MTHFD1L: variants seen among roughly 807,000 people sequenced by gnomAD.
MTHFD1L encodes monofunctional C1-tetrahydrofolate synthase, mitochondrial.
MTHFD1L carries 81 observed loss-of-function variants against 119.5 expected under a neutral mutation model. The ratio of observed to expected loss-of-function variants is 0.68; its 90% CI spans 0.57 to 0.82. MTHFD1L has a LOEUF of 0.82. MTHFD1L is among the 40% of genes least tolerant of loss of function. The pLI is 0.00. For missense variants in MTHFD1L, 1,125 were observed against 1,253.4 expected (o/e 0.90, Z 1.55); for synonymous variants, 430 against 475.2 (o/e 0.90, Z 1.24).
chr6:151,016,525 C>G (rs1783084623), intron 24 of MTHFD1L, among the ~76,000 whole-genome samples: 1 of 149,130 alleles, frequency 6.7e-6, no homozygotes, highest in Non-Finnish European at 1.5e-5. Context: ...GTTTCACCAT[C>G]TTGGGCAGGC....
intron 26 of MTHFD1L, among the ~76,000 whole-genome samples, chr6:151,065,769 A>G (rs1287552115): frequency 6.6e-6 from 1 of 152,252 alleles, no homozygotes; most frequent in East Asian, 1.9e-4. Flanking sequence ...CATCCTGTGC[A>G]TAGGGCAGGA....
chr6:151,026,305 C>T (rs1230272817), intron 24 of MTHFD1L, among the ~76,000 whole-genome samples: 1 of 152,206 alleles, frequency 6.6e-6, no homozygotes, highest in East Asian at 1.9e-4. Flanking sequence ...TATGTTGTGC[C>T]TGCTCTGTGC....
At chr6:151,019,225 T>TCTGATCATGCCATCTGATCAA in intron 24 of MTHFD1L, among the ~76,000 whole-genome samples, 1 of 91,880 alleles carries the variant, frequency 1.1e-5, no homozygotes, top group East Asian at 1.9e-4. Flanking sequence ...CCTCTGATCA[T>TCTGATCATGCCATCTGATCAA]GCCATCTGAT....
At chr6:150,997,508 G>C (rs1027944095) in intron 20 of MTHFD1L, among the ~76,000 whole-genome samples, 4 of 152,180 alleles carry the variant, frequency 2.6e-5, no homozygotes, top group African/African-American at 9.7e-5. Context: ...ATACATTGAG[G>C]CTGGGCACGG....
chr6:151,058,559 G>A (rs992139385), intron 26 of MTHFD1L, among the ~76,000 whole-genome samples: 17 of 152,226 alleles, frequency 1.1e-4, no homozygotes, highest in African/African-American at 4.1e-4. Context: ...TAACCCCCGA[G>A]GTGGAGCTGT....
intron 21 of MTHFD1L, among the ~76,000 whole-genome samples, 184 bp from the exon 22 acceptor site, chr6:151,013,595 G>A (rs1782596826): frequency 6.6e-6 from 1 of 152,168 alleles, no homozygotes; most frequent in African/African-American, 2.4e-5. Context: ...CCAGGGATCA[G>A]TGTTTTCTAA....
In MTHFD1L at chr6:150,922,221, G is replaced by A. The variant is rs760878500; in HGVS notation, c.1001G>A (p.Gly334Glu). 2 of 1,614,014 alleles carry A rather than the reference G, an allele frequency of 1.2e-6. No individual in the cohort carries two copies. Among genetic ancestry groups the A allele is most frequent in the Non-Finnish European group, 1.7e-6 (2 of 1,179,902 alleles). Residue 334 changes from glycine to glutamate, a missense_variant, in exon 10 of 28, where the codon GGA (glycine) becomes GAA (glutamate). Coordinates refer to ENST00000367321, the MANE Select transcript of MTHFD1L (RefSeq NM_015440.5). ...ALRIQNMVSS[G>E]RRWLREQQHR... is the part of the protein sequence containing the mutation. ...CTGCTGAAGAACATGGTCAGTAGTG[G>A]AAGGAGATGGCTTCGTGAACAGCAG...
intron 26 of MTHFD1L, among the ~76,000 whole-genome samples, chr6:151,045,516 C>G (rs1436743973): frequency 6.6e-6 from 1 of 152,224 alleles, no homozygotes; most frequent in Non-Finnish European, 1.5e-5. Context: ...CTCCAATGCT[C>G]CTGGGTCCTG....
At position 150,990,370 on chromosome 6, in the gene MTHFD1L, A is replaced by G. The variant is rs527456983; in HGVS notation, c.2125+18312A>G. Among the ~76,000 whole-genome samples the G allele has an allele frequency of 3.9e-5, 6 of 152,330 alleles. No homozygotes were observed. The East Asian group carries it at 1.2e-3, about 29-fold the overall frequency. ...ATAACCCTATAGCAAAACAGTTAAT[A>G]GCAGAGGAATACCCTGGAGTGTCCT... On this transcript the variant is annotated intron_variant, in intron 20 of 27. Coordinates refer to ENST00000367321, the MANE Select transcript of MTHFD1L (RefSeq NM_015440.5).
chr6:151,095,441 T>C (rs1402069704), intron 27 of MTHFD1L, among the ~76,000 whole-genome samples: 3 of 152,250 alleles, frequency 2.0e-5, no homozygotes, highest in African/African-American at 7.2e-5. Flanking sequence ...TTGGACAGTA[T>C]TTTTCCAGCT....
chr6:151,089,447 C>A (rs1794177338), intron 26 of MTHFD1L, among the ~76,000 whole-genome samples: 1 of 152,024 alleles, frequency 6.6e-6, no homozygotes, highest in East Asian at 1.9e-4. Flanking sequence ...ACCAAAAATA[C>A]AAAAAATTAG....
chr6:151,020,086 T>C (rs1178910965), intron 24 of MTHFD1L, among the ~76,000 whole-genome samples: 1 of 152,212 alleles, frequency 6.6e-6, no homozygotes, highest in Non-Finnish European at 1.5e-5. Flanking sequence ...CAAACTGGGT[T>C]TCTGTGTGCC....
intron 8 of MTHFD1L, among the ~76,000 whole-genome samples, chr6:150,917,416 T>C (rs911437664): frequency 6.6e-6 from 1 of 151,694 alleles, no homozygotes; most frequent in Non-Finnish European, 1.5e-5. Context: ...CAGCTGCTAA[T>C]AAGGTGGAGG....
At chr6:151,056,209 AG>A (rs1222285854) in intron 26 of MTHFD1L, among the ~76,000 whole-genome samples, 1 of 152,206 alleles carries the variant, frequency 6.6e-6, no homozygotes, top group Non-Finnish European at 1.5e-5. Flanking sequence ...AAGCAAGTCT[AG>A]AACTATTTTC....
chr6:151,013,349 C>A (rs556510361), intron 21 of MTHFD1L, among the ~76,000 whole-genome samples: 4 of 152,324 alleles, frequency 2.6e-5, no homozygotes, highest in Admixed American at 2.6e-4. Context: ...CACTGCCCTC[C>A]AGCCTGGACA....
intron 26 of MTHFD1L, among the ~76,000 whole-genome samples, chr6:151,073,188 G>C (rs1308965283): frequency 1.3e-5 from 2 of 152,224 alleles, no homozygotes; most frequent in African/African-American, 4.8e-5. Flanking sequence ...GAGGACCGGA[G>C]AGGAGAGAAC....
chr6:150,992,288 G>A (rs1383143949), intron 20 of MTHFD1L, among the ~76,000 whole-genome samples: 1 of 152,132 alleles, frequency 6.6e-6, no homozygotes, highest in Non-Finnish European at 1.5e-5. Flanking sequence ...AAAACAAAAC[G>A]GGTTGTGGAA....
chr6:150,968,959 C>G (rs1187766514), intron 19 of MTHFD1L, among the ~76,000 whole-genome samples: 2 of 150,780 alleles, frequency 1.3e-5, no homozygotes, highest in Non-Finnish European at 2.9e-5. Flanking sequence ...AGCGATTCTC[C>G]TGCCTCAGCC....
intron 11 of MTHFD1L, among the ~76,000 whole-genome samples, chr6:150,936,017 C>G (rs1791995424): frequency 6.6e-6 from 1 of 152,140 alleles, no homozygotes; most frequent in African/African-American, 2.4e-5. Flanking sequence ...TTTGGTTTTG[C>G]AAAGTGTTGT....
Sources: gnomAD v4.1 joint callset for allele counts (sites outside exome capture counted in the v4.1 genomes callset) on GRCh38, gnomAD v4.1.1 for gene constraint, MANE v1.5 for transcripts, NCBI Gene and HGNC (gene_info 2026-07-23, HGNC 2026-07-21) for gene names.